Variants in HDAC9 observed in about 807,000 individuals in gnomAD.
HDAC9 encodes the protein MEF-2 interacting transcription repressor (MITR) protein.
Under a neutral mutation model 139.4 loss-of-function variants are expected in HDAC9, and 41 were observed. That is an observed-to-expected ratio of 0.29 (90% CI 0.23 to 0.38). HDAC9 has a LOEUF of 0.38. Ranked by LOEUF, HDAC9 falls within the 10% of genes least tolerant of loss-of-function variation. The pLI, the probability that HDAC9 is intolerant of heterozygous loss-of-function variation, is 1.00. For synonymous variants in HDAC9, 517 were observed against 476.2 expected (o/e 1.09, Z -1.12); for missense variants, 1,147 against 1,297.0 (o/e 0.88, Z 1.78).
At chr7:18,871,979 T>G (rs1798955549) in intron 21 of HDAC9, among the ~76,000 whole-genome samples, 2 of 152,176 alleles carry the variant, frequency 1.3e-5, no homozygotes, top group Admixed American at 1.3e-4. Flanking sequence ...TATATACTTG[T>G]TGAAATGAAT....
Position 18,647,898 on chromosome 7 carries a change from T to G in HDAC9, c.1149T>G (p.His383Gln). ...GSIPASSSHP[H>Q]VTLEGKPPNS... ...TCCCGGCATCTTCCAGCCACCCTCA[T>G]GTTACTTTAGAGGGAAAGCCACCCA... Residue 383 changes from histidine to glutamine, a missense_variant, in exon 10 of 26, where the codon CAT becomes CAG. His to Gln is a conservative substitution (Grantham distance 24). Coordinates refer to ENST00000686413, the MANE Select transcript of HDAC9 (RefSeq NM_178425.4). 1 of 1,612,956 alleles carries G rather than the reference T, an allele frequency of 6.2e-7. No homozygotes were observed. The highest frequency in any genetic ancestry group is 8.5e-7 in the Non-Finnish European group (1 of 1,179,480).
chr7:18,251,491 T>G (rs186385455), intron 2 of HDAC9, among the ~76,000 whole-genome samples: 6 of 152,222 alleles, frequency 3.9e-5, no homozygotes, highest in Admixed American at 3.9e-4. Flanking sequence ...ACCTGTGCAT[T>G]GTGCACATGT....
chr7:18,696,243 G>A (rs1425692479), intron 12 of HDAC9, among the ~76,000 whole-genome samples: 1 of 151,410 alleles, frequency 6.6e-6, no homozygotes, highest in African/African-American at 2.4e-5. Context: ...TAGATTGGCT[G>A]TGAAATTATA....
intron 1 of HDAC9, among the ~76,000 whole-genome samples, chr7:18,374,477 A>G (rs1784838495): frequency 6.6e-6 from 1 of 152,072 alleles, no homozygotes; most frequent in Non-Finnish European, 1.5e-5. Flanking sequence ...CTAGGCTACA[A>G]ACCTGTACAG....
chr7:18,127,851 C>G (rs932071190), intron 1 of HDAC9, among the ~76,000 whole-genome samples: 1 of 151,770 alleles, frequency 6.6e-6, no homozygotes, highest in Non-Finnish European at 1.5e-5. Flanking sequence ...ATTCAGATTT[C>G]TTTTGCTTTT....
intron 1 of HDAC9, among the ~76,000 whole-genome samples, chr7:18,156,084 A>G (rs950533979): frequency 2.0e-5 from 3 of 152,182 alleles, no homozygotes; most frequent in Non-Finnish European, 4.4e-5. Flanking sequence ...TTGAAGGGAA[A>G]CGAGTATCCT....
chr7:18,848,944 T>G (rs1181398212), intron 21 of HDAC9, among the ~76,000 whole-genome samples: 1 of 152,142 alleles, frequency 6.6e-6, no homozygotes, highest in Non-Finnish European at 1.5e-5. Context: ...ATTTAATGCA[T>G]TCTTCCTCAA....
In HDAC9 at chr7:18,496,092, A is replaced by C. The variant is rs182467010; in HGVS notation, c.-42+69A>C. On this transcript the variant is annotated intron_variant, in intron 1 of 25. Coordinates refer to ENST00000686413, the MANE Select transcript of HDAC9 (RefSeq NM_178425.4). ...TGCCCATTTGAGCAGAAAGGAAATC[A>C]TTGTCGAAGTTGATCCTCTGCTGCT... 1,292 of 1,414,744 alleles carry C rather than the reference A, an allele frequency of 9.1e-4. 8 individuals are homozygous for C. In the East Asian group the frequency reaches 0.01, roughly 11 times the overall value. The allele number at this position is 1,414,744 out of a possible 1,614,324, so 87.6% of individuals were successfully genotyped here. A position where few individuals can be genotyped will look rare whatever the true frequency, so the allele number is the denominator to read the frequency against.
intron 24 of HDAC9, among the ~76,000 whole-genome samples, chr7:18,963,301 T>C (rs1272185090): frequency 6.6e-6 from 1 of 152,184 alleles, no homozygotes; most frequent in Non-Finnish European, 1.5e-5. Flanking sequence ...ATTTGATAGA[T>C]ACTAAAGAGT....
chr7:18,384,642 C>T (rs1324612117), intron 1 of HDAC9, among the ~76,000 whole-genome samples: 1 of 152,020 alleles, frequency 6.6e-6, no homozygotes, highest in Non-Finnish European at 1.5e-5. Context: ...AGTAAATACT[C>T]CAAAATCACT....
At chr7:18,970,954 A>G (rs974897581) in intron 24 of HDAC9, among the ~76,000 whole-genome samples, 2 of 152,170 alleles carry the variant, frequency 1.3e-5, no homozygotes, top group African/African-American at 4.8e-5. Flanking sequence ...GACTTGTGTA[A>G]CACAGATTTT....
intron 22 of HDAC9, among the ~76,000 whole-genome samples, chr7:18,900,192 A>G (rs1332869683): frequency 3.9e-5 from 6 of 152,186 alleles, no homozygotes; most frequent in East Asian, 3.9e-4. Flanking sequence ...ACTCAAATCT[A>G]TACATGCGCA....
intron 2 of HDAC9, among the ~76,000 whole-genome samples, chr7:18,570,979 T>C (rs567235407): frequency 3.3e-5 from 5 of 152,324 alleles, no homozygotes; most frequent in Admixed American, 1.3e-4. Flanking sequence ...TTAGAATGCT[T>C]AGGACCTCAA....
intron 1 of HDAC9, among the ~76,000 whole-genome samples, chr7:18,303,288 G>A (rs1053512744): frequency 1.3e-5 from 2 of 151,842 alleles, no homozygotes; most frequent in Non-Finnish European, 2.9e-5. Flanking sequence ...CGCGATCTCG[G>A]CTCACTGCAA....
At chr7:18,299,826 C>T (rs1798415142) in intron 1 of HDAC9, among the ~76,000 whole-genome samples, 1 of 152,026 alleles carries the variant, frequency 6.6e-6, no homozygotes, top group African/African-American at 2.4e-5. Context: ...AAAAGGCTAC[C>T]AATCCACCTT....
intron 1 of HDAC9, among the ~76,000 whole-genome samples, chr7:18,155,073 T>TTTTCTTTCTTTC (rs34168137): frequency 4.6e-4 from 68 of 148,924 alleles, no homozygotes; most frequent in Middle Eastern, 3.4e-3. Flanking sequence ...ACAAAGCTTT[T>TTTTCTTTCTTTC]TTTCTTTCTT....
intron 2 of HDAC9, among the ~76,000 whole-genome samples, chr7:18,568,665 T>C (rs1199412367): frequency 1.3e-5 from 2 of 152,240 alleles, no homozygotes; most frequent in East Asian, 3.8e-4. Context: ...TGAAATACAC[T>C]ATGATAATTT....
At chr7:18,283,927 A>G (rs988320031) in intron 2 of HDAC9, among the ~76,000 whole-genome samples, 1 of 152,164 alleles carries the variant, frequency 6.6e-6, no homozygotes, top group Admixed American at 6.6e-5. Flanking sequence ...TTTGTGGAGT[A>G]TTCTCCCCTC....
At chr7:18,562,476 A>G (rs1019533345) in intron 2 of HDAC9, among the ~76,000 whole-genome samples, 1 of 152,098 alleles carries the variant, frequency 6.6e-6, no homozygotes, top group African/African-American at 2.4e-5. Flanking sequence ...TTCTGTGTGT[A>G]TGTGATTAGT....
Sources: allele counts gnomAD v4.1 joint callset (sites outside exome capture counted in the v4.1 genomes callset), GRCh38; gene constraint gnomAD v4.1.1; transcripts MANE v1.5; gene names NCBI Gene and HGNC (gene_info 2026-07-23, HGNC 2026-07-21).